The following MACROD2 variants were observed in gnomAD, a reference collection of about 807,000 sequenced individuals.
MACROD2 encodes mono-ADP ribosylhydrolase 2.
A neutral mutation model predicts 70.4 loss-of-function variants in MACROD2; 36 were observed. The ratio of observed to expected loss-of-function variants is 0.51; its 90% CI spans 0.39 to 0.68. The LOEUF (loss-of-function observed/expected upper bound fraction) is 0.68, where lower values mean the gene tolerates loss of function less well. Ranked by LOEUF, MACROD2 falls within the 30% of genes least tolerant of loss-of-function variation. MACROD2 has a pLI of 0.00. For missense variants in MACROD2, 496 were observed against 538.4 expected (o/e 0.92, Z 0.78); for synonymous variants, 172 against 178.8 (o/e 0.96, Z 0.30).
chr20:14,870,990 G>A (rs764045432), intron 5 of MACROD2, among the ~76,000 whole-genome samples: 3 of 152,028 alleles, frequency 2.0e-5, no homozygotes, highest in Non-Finnish European at 2.9e-5. Context: ...TGTTGCAATT[G>A]CTTTTAGTGT....
intron 5 of MACROD2, among the ~76,000 whole-genome samples, chr20:15,069,947 G>A (rs1313135170): frequency 6.6e-6 from 1 of 152,154 alleles, no homozygotes; most frequent in Non-Finnish European, 1.5e-5. Flanking sequence ...CTCTAGACAA[G>A]AGAATGGTAG....
Position 14,808,400 on chromosome 20 carries a change from C to T in MACROD2, c.418+123441C>T, listed in dbSNP as rs549200360. Among the ~76,000 whole-genome samples the T allele has an allele frequency of 1.1e-4, 16 of 152,044 alleles. No individual in the cohort carries two copies. The South Asian group carries it at 3.3e-3, about 32-fold the overall frequency. On this transcript the variant is annotated intron_variant, in intron 5 of 17. Transcript: ENST00000684519. ...AGCACATGCTGAGGGATTTTGTCAC[C>T]ACCAGACCTGCCTTACAAGAGCTCC... is the stretch of plus-strand genomic sequence containing the variant.
Position 14,828,039 on chromosome 20 carries a change from C to T in MACROD2, c.418+143080C>T, listed in dbSNP as rs977110933. 1.1e-4 allele frequency among the ~76,000 whole-genome samples: 17 copies of T among 151,786 alleles called. No homozygotes were observed. The Middle Eastern group carries it at 0.01, about 92-fold the overall frequency. On this transcript the variant is annotated intron_variant, in intron 5 of 17. Coordinates refer to ENST00000684519, the MANE Select transcript of MACROD2 (RefSeq NM_001351661.2). ...TTAATGTGCATTCATTGGTAAAGTT[C>T]GGGAAGGCATAATAAAGAAAATAAA...
chr20:15,009,473 T>G (rs1001092966), intron 5 of MACROD2, among the ~76,000 whole-genome samples: 1 of 152,158 alleles, frequency 6.6e-6, no homozygotes, highest in African/African-American at 2.4e-5. Context: ...TCACTCCAGG[T>G]GTGTATCTTC....
At position 14,850,046 on chromosome 20, in the gene MACROD2, G is replaced by C. The variant is rs185320503; in HGVS notation, c.418+165087G>C. On this transcript the variant is annotated intron_variant, in intron 5 of 17. Coordinates refer to ENST00000684519, the MANE Select transcript of MACROD2 (RefSeq NM_001351661.2). ...ATTCCTGCAGGTTAGGATTGTTACA[G>C]ATCACAATGACTTAATGAAATCTCA... 521 of 496,682 alleles carry C rather than the reference G, an allele frequency of 1.0e-3. 1 individual carries two copies. Among genetic ancestry groups the C allele is most frequent in the Admixed American group, 1.8e-3 (85 of 46,466 alleles). 30.8% of individuals were successfully genotyped at this position (496,682 alleles called of 1,614,324 possible). A position where few individuals can be genotyped will look rare whatever the true frequency, so the allele number is the denominator to read the frequency against.
intron 8 of MACROD2, among the ~76,000 whole-genome samples, chr20:15,785,255 C>T (rs772267101): frequency 4.0e-5 from 6 of 151,496 alleles, no homozygotes; most frequent in Non-Finnish European, 7.4e-5. Flanking sequence ...GCAGTTAGAA[C>T]ACAAGTTCCA....
chr20:15,585,936 G>A (rs1781685840), intron 8 of MACROD2, among the ~76,000 whole-genome samples: 2 of 152,104 alleles, frequency 1.3e-5, no homozygotes, highest in Admixed American at 6.6e-5. Context: ...TAACCAAAGT[G>A]AGAATTTAGG....
chr20:15,657,964 G>A lies in MACROD2; in HGVS notation c.645+158117G>A, dbSNP rs368975330. Among the ~76,000 whole-genome samples, 93 of 152,282 alleles carry A rather than the reference G, an allele frequency of 6.1e-4. 1 individual carries two copies. The South Asian group carries it at 0.018, about 30-fold the overall frequency. On this transcript the variant is annotated intron_variant, in intron 8 of 17. Transcript: ENST00000684519. The stretch of plus-strand genomic sequence containing the variant: ...GCCGAGACTGAGCCATTGCACTCCA[G>A]CCTGGGCAACAAGAGCTAAACTCCA...
intron 7 of MACROD2, among the ~76,000 whole-genome samples, chr20:15,448,714 A>C (rs900208532): frequency 1.3e-5 from 2 of 152,194 alleles, no homozygotes; most frequent in Non-Finnish European, 2.9e-5. Context: ...ATGAATTATA[A>C]GTTTCAAATA....
At chr20:15,365,164 T>C (rs144970357) in intron 6 of MACROD2, among the ~76,000 whole-genome samples, 123 of 151,598 alleles carry the variant, frequency 8.1e-4, no homozygotes, top group Non-Finnish European at 1.4e-3. Context: ...AAATTATTCT[T>C]TGGGGCGGGG....
chr20:14,734,349 A>T (rs1220092078), intron 5 of MACROD2, among the ~76,000 whole-genome samples: 3 of 152,158 alleles, frequency 2.0e-5, no homozygotes, highest in Admixed American at 6.5e-5. Flanking sequence ...ATACGAAAAA[A>T]AATTAGCCAC....
intron 8 of MACROD2, among the ~76,000 whole-genome samples, chr20:15,688,869 C>T (rs998145720): frequency 2.0e-5 from 3 of 152,144 alleles, no homozygotes; most frequent in Non-Finnish European, 2.9e-5. Flanking sequence ...ATCTTAACAA[C>T]GGTTAGTAAT....
chr20:15,710,605 G>A (rs1169348230), intron 8 of MACROD2, among the ~76,000 whole-genome samples: 3 of 152,136 alleles, frequency 2.0e-5, no homozygotes, highest in Admixed American at 6.5e-5. Flanking sequence ...GTGTTTATGG[G>A]CGTGAAAAAG....
intron 5 of MACROD2, among the ~76,000 whole-genome samples, chr20:15,076,641 G>T (rs2075660387): frequency 6.6e-6 from 1 of 152,100 alleles, no homozygotes; most frequent in African/African-American, 2.4e-5. Flanking sequence ...TGTCACTTTT[G>T]TTCTTCATTA....
At chr20:15,282,989 C>T (rs551548344) in intron 6 of MACROD2, among the ~76,000 whole-genome samples, 1 of 152,272 alleles carries the variant, frequency 6.6e-6, no homozygotes, top group African/African-American at 2.4e-5. Context: ...AAAGAAGAAG[C>T]AGACACCTTC....
At chr20:15,557,429 G>A (rs2048182546) in intron 8 of MACROD2, among the ~76,000 whole-genome samples, 1 of 152,044 alleles carries the variant, frequency 6.6e-6, no homozygotes, top group Non-Finnish European at 1.5e-5. Context: ...AAAATAAAAG[G>A]GGTACCCCAC....
At chr20:14,959,213 C>T (rs1344442370) in intron 5 of MACROD2, among the ~76,000 whole-genome samples, 1 of 152,134 alleles carries the variant, frequency 6.6e-6, no homozygotes, top group Non-Finnish European at 1.5e-5. Context: ...CTCACTGCAA[C>T]CTCCACCTCT....
chr20:15,857,552 C>T (rs936941540), intron 8 of MACROD2, among the ~76,000 whole-genome samples: 1 of 152,188 alleles, frequency 6.6e-6, no homozygotes, highest in Non-Finnish European at 1.5e-5. Context: ...TGCTACTCCA[C>T]ACCCATGTGA....
chr20:15,523,901 G>A (rs894570813), intron 8 of MACROD2, among the ~76,000 whole-genome samples: 4 of 152,054 alleles, frequency 2.6e-5, no homozygotes, highest in South Asian at 2.1e-4. Flanking sequence ...CCTTATTCCA[G>A]GTCCTTCATG....
Sources: gnomAD v4.1 joint callset for allele counts (sites outside exome capture counted in the v4.1 genomes callset) on GRCh38, gnomAD v4.1.1 for gene constraint, MANE v1.5 for transcripts, NCBI Gene and HGNC (gene_info 2026-07-23, HGNC 2026-07-21) for gene names.